The following RSF1 variants were observed in gnomAD, a reference collection of about 807,000 sequenced individuals.
RSF1 encodes remodeling and spacing factor 1, also known as HBV pX-associated protein 8.
A neutral mutation model predicts 145.2 loss-of-function variants in RSF1; 13 were observed. That is an observed-to-expected ratio of 0.09 (90% CI 0.06 to 0.14). RSF1 has a LOEUF of 0.14. Ranked by LOEUF, RSF1 falls within the 10% of genes least tolerant of loss-of-function variation. The pLI is 1.00. For missense variants in RSF1, 1,517 were observed against 1,718.2 expected (o/e 0.88, Z 2.07); for synonymous variants, 577 against 592.6 (o/e 0.97, Z 0.38).
Position 77,702,310 on chromosome 11 carries a change from T to C in RSF1, c.919A>G (p.Ile307Val). 1 of 1,609,870 alleles carries C rather than the reference T, an allele frequency of 6.2e-7. No homozygotes were observed. Among genetic ancestry groups the C allele is most frequent in the Non-Finnish European group, 8.5e-7 (1 of 1,179,092 alleles). Residue 307 changes from isoleucine (I) to valine (V), a missense_variant, in exon 6 of 16, where the codon ATT becomes GTT. By Grantham distance (29) the Ile-to-Val change is conservative. Coordinates refer to ENST00000308488, the MANE Select transcript of RSF1 (RefSeq NM_016578.4). ...AAGGAATCACTTTCTTCTTTGATAATCTTTTTTTCTTCATTTTCTGGCAAA... is the reference window on the plus strand; with the variant it reads ...AAGGAATCACTTTCTTCTTTGATAACCTTTTTTTCTTCATTTTCTGGCAAA... ...KPLPENEEKK[I>V]IKEESDSFKE...
At chr11:77,719,079 T>G (rs773156919) in intron 5 of RSF1, among the ~76,000 whole-genome samples, 9 of 152,040 alleles carry the variant, frequency 5.9e-5, no homozygotes, top group Non-Finnish European at 1.3e-4. Flanking sequence ...AGACCCTGTC[T>G]CTACAAAAAA....
chr11:77,674,596 C>T (rs530389316), intron 14 of RSF1, among the ~76,000 whole-genome samples: 12 of 152,286 alleles, frequency 7.9e-5, no homozygotes, highest in Admixed American at 2.6e-4. Flanking sequence ...ATGAAGTTAA[C>T]GTATCAATCA....
At chr11:77,835,956 C>A in the RSF1 span, among the ~76,000 whole-genome samples, 1 of 151,874 alleles carries the variant, frequency 6.6e-6, no homozygotes, top group African/African-American at 2.4e-5. Context: ...AGTAGAATGG[C>A]AAAGTGAATT....
intron 3 of RSF1, among the ~76,000 whole-genome samples, chr11:77,744,068 A>T (rs1947971404): frequency 6.6e-6 from 1 of 152,156 alleles, no homozygotes; most frequent in Admixed American, 6.5e-5. Context: ...TTGCTCTGTC[A>T]CCCAGGCTAG....
intron 1 of RSF1, among the ~76,000 whole-genome samples, chr11:77,819,249 C>G (rs150939066): frequency 2.1e-3 from 322 of 152,316 alleles, no homozygotes; most frequent in African/African-American, 6.9e-3. Flanking sequence ...AAAAAAGAGA[C>G]CTATTTGGAA....
intron 4 of RSF1, chr11:77,739,580 T>C (rs1472101015): frequency 1.3e-5 from 2 of 152,222 alleles, no homozygotes; most frequent in Admixed American, 1.3e-4. Flanking sequence ...TGAGCTTTTC[T>C]ACGGGTTATT....
At chr11:77,804,778 C>T (rs1033555018) in intron 1 of RSF1, among the ~76,000 whole-genome samples, 1 of 152,146 alleles carries the variant, frequency 6.6e-6, no homozygotes, top group Non-Finnish European at 1.5e-5. Context: ...TGCAGTAAGC[C>T]GTGATTCCAC....
chr11:77,733,188 AG>A (rs1961251518), intron 4 of RSF1, among the ~76,000 whole-genome samples: 1 of 152,212 alleles, frequency 6.6e-6, no homozygotes, highest in African/African-American at 2.4e-5. Flanking sequence ...ATATACAAGA[AG>A]GTGTTTCAGT....
At chr11:77,865,109 T>G in the RSF1 span, among the ~76,000 whole-genome samples, 1 of 152,246 alleles carries the variant, frequency 6.6e-6, no homozygotes, top group Admixed American at 6.5e-5. Context: ...TTTTGCAAAT[T>G]AGACACAGTG....
chr11:77,844,976 A>G, the RSF1 span, among the ~76,000 whole-genome samples: 1 of 152,150 alleles, frequency 6.6e-6, no homozygotes. Context: ...TAAATCAACC[A>G]TTAGCATTAT....
intron 11 of RSF1, among the ~76,000 whole-genome samples, chr11:77,678,623 G>A (rs1959777062): frequency 6.6e-6 from 1 of 152,174 alleles, no homozygotes; most frequent in South Asian, 2.1e-4. Context: ...GATGGTATTA[G>A]GAGGTGGGGT....
At chr11:77,856,123 A>G in the RSF1 span, among the ~76,000 whole-genome samples, 1 of 152,152 alleles carries the variant, frequency 6.6e-6, no homozygotes, top group South Asian at 2.1e-4. Context: ...GTCTCAAAAA[A>G]AAGAAGAAAG....
At chr11:77,687,572 T>C (rs1233117451) in intron 9 of RSF1, among the ~76,000 whole-genome samples, 1 of 152,102 alleles carries the variant, frequency 6.6e-6, no homozygotes, top group Non-Finnish European at 1.5e-5. Context: ...CCGGGTGTGG[T>C]GGCGTGTGCC....
At chr11:77,832,934 C>A in the RSF1 span, among the ~76,000 whole-genome samples, 1 of 133,172 alleles carries the variant, frequency 7.5e-6, no homozygotes, top group Non-Finnish European at 1.6e-5. Flanking sequence ...TTATTGTGCA[C>A]TTTATTGTAT....
At position 77,702,314 on chromosome 11, in the gene RSF1, T is replaced by C. The variant is rs778640360; in HGVS notation, c.915A>G (p.Lys305=). Residue 305 remains lysine (K), a synonymous_variant, in exon 6 of 16, where the codon AAA becomes AAG. Transcript: ENST00000308488. ...AATCACTTTCTTCTTTGATAATCTT[T>C]TTTTCTTCATTTTCTGGCAAAGGTT... ...LEKPLPENEE[K]KIIKEESDSF... 10 of 1,609,902 alleles carry C rather than the reference T, an allele frequency of 6.2e-6. No individual in the cohort carries two copies. The South Asian group carries it at 1.1e-4, about 18-fold the overall frequency.
intron 5 of RSF1, among the ~76,000 whole-genome samples, chr11:77,710,207 T>C (rs1274464663): frequency 6.6e-6 from 1 of 152,114 alleles, no homozygotes; most frequent in Non-Finnish European, 1.5e-5. Context: ...GCACACAAAA[T>C]GATGTTTTGA....
chr11:77,732,293 T>A (rs985966842), intron 4 of RSF1, among the ~76,000 whole-genome samples: 14 of 152,236 alleles, frequency 9.2e-5, no homozygotes, highest in African/African-American at 3.4e-4. Context: ...CCAATGCCTG[T>A]ACCCCCATTG....
At chr11:77,852,750 A>G in the RSF1 span, among the ~76,000 whole-genome samples, 27 of 152,084 alleles carry the variant, frequency 1.8e-4, no homozygotes, top group African/African-American at 6.3e-4. Context: ...AAATACATAT[A>G]TAAATAATTT....
At chr11:77,716,449 A>G (rs1330903187) in intron 5 of RSF1, among the ~76,000 whole-genome samples, 5 of 152,254 alleles carry the variant, frequency 3.3e-5, no homozygotes, top group South Asian at 4.1e-4. Context: ...ATTAACAACG[A>G]AAGAAATCCT....
Sources: allele counts gnomAD v4.1 joint callset (sites outside exome capture counted in the v4.1 genomes callset), GRCh38; gene constraint gnomAD v4.1.1; transcripts MANE v1.5; gene names NCBI Gene and HGNC (gene_info 2026-07-23, HGNC 2026-07-21).